The following RARB variants were observed in gnomAD, a reference collection of about 807,000 sequenced individuals.
RARB encodes the protein retinoic acid receptor beta, also known as HBV-activated protein.
A neutral mutation model predicts 51.9 loss-of-function variants in RARB; 17 were observed. The observed-to-expected ratio is 0.33, with a 90% CI of 0.22 to 0.49. The LOEUF (loss-of-function observed/expected upper bound fraction) is 0.49, where lower values mean the gene tolerates loss of function less well. Among genes scored for constraint, RARB ranks in the 20% least tolerant of loss-of-function variants. The pLI is 0.99. For synonymous variants in RARB, 215 were observed against 195.4 expected, an observed-to-expected ratio of 1.10 and a Z score of -0.84; for missense variants, 369 against 550.8, an observed-to-expected ratio of 0.67 and a Z score of 3.30.
chr3:25,535,980 T>G (rs1699124388), intron 3 of RARB, among the ~76,000 whole-genome samples: 1 of 152,152 alleles, frequency 6.6e-6, no homozygotes, highest in African/African-American at 2.4e-5. Context: ...AAGAAGTGGC[T>G]TACAAGAGTT....
intron 1 of RARB, among the ~76,000 whole-genome samples, chr3:25,446,575 G>C (rs546920210): frequency 6.6e-6 from 1 of 151,914 alleles, no homozygotes; most frequent in Admixed American, 6.6e-5. Context: ...AGGCCGAGGC[G>C]GGCAGATCAA....
At chr3:25,308,231 C>A (rs1357049237) in intron 5 of RARB, among the ~76,000 whole-genome samples, 1 of 152,134 alleles carries the variant, frequency 6.6e-6, no homozygotes, top group African/African-American at 2.4e-5. Flanking sequence ...TATTGGGGAA[C>A]TTTTTAAGTC....
At chr3:25,460,526 C>A (rs1010802080) in intron 1 of RARB, among the ~76,000 whole-genome samples, 14 of 151,922 alleles carry the variant, frequency 9.2e-5, no homozygotes, top group African/African-American at 3.4e-4. Context: ...CAGCTCACTG[C>A]AACCTCTGCC....
rs553758427 is a variant in RARB, at chr3:25,520,967, C to T, written c.448+19644C>T. On this transcript the variant is annotated intron_variant, in intron 3 of 7. Transcript: ENST00000330688. ...GTAGCACAAAAGTCCTCATTCCTAC[C>T]CTTTATACACCTAAGGGAGTTTGTG... Among the ~76,000 whole-genome samples the T allele has an allele frequency of 7.2e-5, 11 of 152,300 alleles. 1 individual carries two copies. The highest frequency in any genetic ancestry group is 7.2e-4 in the Admixed American group (11 of 15,292).
At chr3:25,413,587 A>G (rs1485677663) in intron 5 of RARB, among the ~76,000 whole-genome samples, 4 of 152,218 alleles carry the variant, frequency 2.6e-5, no homozygotes, top group Admixed American at 2.6e-4. Context: ...GCAAATTTCC[A>G]TTCCCACTGG....
chr3:25,062,514 T>C (rs1401186731), intron 3 of RARB, among the ~76,000 whole-genome samples: 1 of 151,980 alleles, frequency 6.6e-6, no homozygotes, highest in Non-Finnish European at 1.5e-5. Flanking sequence ...ACATGATACA[T>C]GTTCAAAATG....
intron 5 of RARB, among the ~76,000 whole-genome samples, chr3:25,212,964 A>G (rs191684123): frequency 5.3e-4 from 81 of 152,308 alleles, no homozygotes; most frequent in Admixed American, 2.0e-3. Context: ...GCATTGCGGC[A>G]CGTAATGTTC....
At chr3:24,978,624 C>A (rs994279461) in intron 2 of RARB, among the ~76,000 whole-genome samples, 1 of 151,340 alleles carries the variant, frequency 6.6e-6, no homozygotes. Flanking sequence ...TTTTTTATTG[C>A]GTCTATTTGA....
chr3:24,949,609 TTTGA>T (rs1296405706), intron 2 of RARB, among the ~76,000 whole-genome samples: 10 of 152,348 alleles, frequency 6.6e-5, no homozygotes, highest in African/African-American at 2.2e-4. Context: ...TCTTGAATCC[TTTGA>T]TTGTATTGAA....
At chr3:25,338,455 T>A (rs146759536) in intron 5 of RARB, among the ~76,000 whole-genome samples, 1 of 152,200 alleles carries the variant, frequency 6.6e-6, no homozygotes, top group Admixed American at 6.5e-5. Flanking sequence ...CCTTTGTAGA[T>A]AGGCGGCTGG....
chr3:25,091,533 G>T (rs1361568000), intron 3 of RARB, among the ~76,000 whole-genome samples: 1 of 152,114 alleles, frequency 6.6e-6, no homozygotes, highest in Non-Finnish European at 1.5e-5. Context: ...TTCACATGGG[G>T]TAGATATAAA....
chr3:25,402,688 G>A, intron 5 of RARB, among the ~76,000 whole-genome samples: 1 of 152,148 alleles, frequency 6.6e-6, no homozygotes, highest in Non-Finnish European at 1.5e-5. Context: ...TATGTTAAGT[G>A]AAATAAGCCA....
chr3:25,202,008 T>A (rs978776716), intron 5 of RARB, among the ~76,000 whole-genome samples: 7 of 152,210 alleles, frequency 4.6e-5, no homozygotes, highest in Admixed American at 1.3e-4. Context: ...TCAGAAGGAA[T>A]GCTACCAGCT....
intron 3 of RARB, among the ~76,000 whole-genome samples, chr3:25,518,710 T>G (rs191155003): frequency 6.6e-6 from 1 of 152,270 alleles, no homozygotes; most frequent in East Asian, 1.9e-4. Context: ...AATAATGCAT[T>G]TATGGGTATT....
intron 1 of RARB, among the ~76,000 whole-genome samples, chr3:25,453,223 G>A (rs1472806873): frequency 1.3e-5 from 2 of 149,762 alleles, no homozygotes; most frequent in East Asian, 2.0e-4. Flanking sequence ...CTGCATTTCT[G>A]GGGTGGGGCC....
At chr3:25,203,525 C>T (rs550503458) in intron 5 of RARB, among the ~76,000 whole-genome samples, 1 of 152,086 alleles carries the variant, frequency 6.6e-6, no homozygotes, top group Non-Finnish European at 1.5e-5. Flanking sequence ...TCTTCCTAGC[C>T]TTGATGGTCT....
At chr3:25,460,084 T>G (rs1311677734) in intron 1 of RARB, among the ~76,000 whole-genome samples, 1 of 152,146 alleles carries the variant, frequency 6.6e-6, no homozygotes, top group Admixed American at 6.5e-5. Context: ...GAATAAAGAG[T>G]AACATGACTT....
chr3:25,228,217 G>GTTTTTTTTTTTTTTTTTTT (rs55796125), intron 5 of RARB, among the ~76,000 whole-genome samples: 3 of 105,628 alleles, frequency 2.8e-5, no homozygotes, highest in African/African-American at 1.1e-4. Flanking sequence ...GACTTTGAGG[G>GTTTTTTTTTTTTTTTTTTT]TTTTTTTTTT....
chr3:25,170,352 C>T (rs1028428848), intron 4 of RARB, among the ~76,000 whole-genome samples: 33 of 152,092 alleles, frequency 2.2e-4, no homozygotes, highest in African/African-American at 7.5e-4. Flanking sequence ...AGCTGTGGCT[C>T]TCAAATGTTA....
Sources: gnomAD v4.1 joint callset for allele counts (sites outside exome capture counted in the v4.1 genomes callset) on GRCh38, gnomAD v4.1.1 for gene constraint, MANE v1.5 for transcripts, NCBI Gene and HGNC (gene_info 2026-07-23, HGNC 2026-07-21) for gene names.